Variants in DLGAP2 observed in about 807,000 individuals in gnomAD.
The protein encoded by DLGAP2 is disks large-associated protein 2.
DLGAP2 carries 26 observed loss-of-function variants against 100.3 expected under a neutral mutation model. The observed-to-expected ratio is 0.26, with a 90% confidence interval of 0.19 to 0.36. The LOEUF (loss-of-function observed/expected upper bound fraction) is 0.36, where lower values mean the gene tolerates loss of function less well. Among genes scored for constraint, DLGAP2 ranks in the 10% least tolerant of loss-of-function variants. The pLI, the probability that DLGAP2 is intolerant of heterozygous loss-of-function variation, is 1.00. For synonymous variants in DLGAP2, 886 were observed against 630.1 expected (o/e 1.41, Z -6.08); for missense variants, 1,858 against 1,453.2 (o/e 1.28, Z -4.53).
chr8:1,450,916 C>G (rs1798142154), intron 3 of DLGAP2, among the ~76,000 whole-genome samples: 1 of 152,124 alleles, frequency 6.6e-6, no homozygotes, highest in African/African-American at 2.4e-5. Flanking sequence ...TAGTGAAACA[C>G]TTTTTATGTT....
chr8:1,309,822 C>T (rs886803887), intron 3 of DLGAP2, among the ~76,000 whole-genome samples: 8 of 152,218 alleles, frequency 5.3e-5, no homozygotes, highest in African/African-American at 1.7e-4. Flanking sequence ...AGGCCGGGCG[C>T]CGTGGCTGAC....
At chr8:1,249,907 G>C (rs1213579304) in intron 2 of DLGAP2, among the ~76,000 whole-genome samples, 1 of 152,198 alleles carries the variant, frequency 6.6e-6, no homozygotes, top group East Asian at 1.9e-4. Flanking sequence ...TTGAGAGAGA[G>C]TCTTGCTCTG....
intron 3 of DLGAP2, among the ~76,000 whole-genome samples, chr8:1,390,448 C>T (rs948368891): frequency 6.6e-6 from 1 of 152,100 alleles, no homozygotes; most frequent in Non-Finnish European, 1.5e-5. Context: ...GAACTCAGAA[C>T]ATCAGGGTTA....
chr8:1,356,307 C>G (rs1452794132), intron 3 of DLGAP2, among the ~76,000 whole-genome samples: 7 of 152,238 alleles, frequency 4.6e-5, no homozygotes, highest in Admixed American at 2.0e-4. Context: ...TATCACTCCC[C>G]TCACCTTACG....
At chr8:1,381,780 C>CGTGTGTGTG (rs1796100046) in intron 3 of DLGAP2, among the ~76,000 whole-genome samples, 1 of 99,948 alleles carries the variant, frequency 1.0e-5, no homozygotes, top group Non-Finnish European at 2.1e-5. Flanking sequence ...GAGGGTTATT[C>CGTGTGTGTG]TAGTGTGTGT....
At chr8:1,613,538 A>T (rs1223683067) in intron 6 of DLGAP2, among the ~76,000 whole-genome samples, 8 of 135,170 alleles carry the variant, frequency 5.9e-5, no homozygotes, top group African/African-American at 2.3e-4. Flanking sequence ...AACTTAAAGT[A>T]TAATAAAAAA....
At chr8:1,376,244 C>G (rs1585314143) in intron 3 of DLGAP2, among the ~76,000 whole-genome samples, 1 of 152,340 alleles carries the variant, frequency 6.6e-6, no homozygotes, top group East Asian at 1.9e-4. Context: ...GGTGAAGGGC[C>G]CGGGACGTGC....
At chr8:863,353 A>G (rs994505778) in intron 1 of DLGAP2, among the ~76,000 whole-genome samples, 1 of 152,218 alleles carries the variant, frequency 6.6e-6, no homozygotes, top group Admixed American at 6.5e-5. Context: ...CACAACAAAT[A>G]TTGATGACAT....
intron 2 of DLGAP2, among the ~76,000 whole-genome samples, chr8:1,063,173 C>T (rs989822866): frequency 7.9e-5 from 12 of 152,192 alleles, no homozygotes; most frequent in African/African-American, 2.2e-4. Flanking sequence ...TTGACTGATA[C>T]GCCGCAAAGT....
intron 3 of DLGAP2, among the ~76,000 whole-genome samples, chr8:1,260,775 A>G (rs1407802370): frequency 2.0e-5 from 3 of 152,240 alleles, no homozygotes; most frequent in Admixed American, 1.3e-4. Context: ...GATTGACTCT[A>G]GAGGGGACCT....
At chr8:1,038,783 A>G (rs983803146) in intron 2 of DLGAP2, among the ~76,000 whole-genome samples, 7 of 152,246 alleles carry the variant, frequency 4.6e-5, no homozygotes, top group African/African-American at 1.4e-4. Flanking sequence ...TTATGTATGT[A>G]TGTATAACTA....
chr8:1,542,337 G>A (rs1801390844), intron 4 of DLGAP2, among the ~76,000 whole-genome samples: 5 of 152,178 alleles, frequency 3.3e-5, no homozygotes, highest in Admixed American at 3.3e-4. Context: ...TGCAACCATC[G>A]CTCTAATCAA....
chr8:1,541,184 T>C (rs1801351045), intron 4 of DLGAP2, among the ~76,000 whole-genome samples: 1 of 152,224 alleles, frequency 6.6e-6, no homozygotes, highest in Non-Finnish European at 1.5e-5. Context: ...TTACCTCCAC[T>C]GAGCCCCTAA....
At chr8:1,008,207 A>C (rs1801176700) in intron 2 of DLGAP2, among the ~76,000 whole-genome samples, 1 of 152,272 alleles carries the variant, frequency 6.6e-6, no homozygotes, top group Non-Finnish European at 1.5e-5. Context: ...GATAAAAGAT[A>C]AATGTCAGTA....
chr8:996,033 G>C (rs1463699094), intron 2 of DLGAP2, among the ~76,000 whole-genome samples: 1 of 152,186 alleles, frequency 6.6e-6, no homozygotes, highest in African/African-American at 2.4e-5. Context: ...GCCATTGTCA[G>C]TTACTTATCT....
chr8:1,489,241 C>T (rs529296373), intron 3 of DLGAP2, among the ~76,000 whole-genome samples: 5 of 152,226 alleles, frequency 3.3e-5, no homozygotes, highest in African/African-American at 1.2e-4. Context: ...AGTTGGAGTT[C>T]GTGGAAAAAA....
chr8:857,446 A>T (rs1797300866), intron 1 of DLGAP2, among the ~76,000 whole-genome samples: 1 of 152,228 alleles, frequency 6.6e-6, no homozygotes, highest in Non-Finnish European at 1.5e-5. Context: ...CTGATGGAGG[A>T]CGAGCATGCA....
chr8:1,470,777 TCCCCCAGCCTTTCCCGACC>T (rs1798762510), intron 3 of DLGAP2, among the ~76,000 whole-genome samples: 1 of 47,264 alleles, frequency 2.1e-5, no homozygotes, highest in Admixed American at 2.1e-4. Flanking sequence ...CTTTCCCGAC[TCCCCCAGCCTTTCCCGACC>T]CCTCCAGCCT....
At chr8:1,472,092 AG>A (rs1411480867) in intron 3 of DLGAP2, among the ~76,000 whole-genome samples, 2 of 152,242 alleles carry the variant, frequency 1.3e-5, no homozygotes, top group Non-Finnish European at 2.9e-5. Flanking sequence ...AGTGAGACAG[AG>A]GGCCTGAGGC....
Sources: allele counts gnomAD v4.1 joint callset (sites outside exome capture counted in the v4.1 genomes callset), GRCh38; gene constraint gnomAD v4.1.1; transcripts MANE v1.5; gene names NCBI Gene and HGNC (gene_info 2026-07-23, HGNC 2026-07-21).